FAM193A: variants seen among roughly 807,000 people sequenced by gnomAD.
The protein encoded by FAM193A is family with sequence similarity 193 member A, also known as protein FAM193A.
A neutral mutation model predicts 126.5 loss-of-function variants in FAM193A; 22 were observed. The observed-to-expected ratio is 0.17, with a 90% confidence interval of 0.12 to 0.25. The LOEUF is 0.25. FAM193A is among the 10% of genes least tolerant of loss of function. The pLI, the probability that FAM193A is intolerant of heterozygous loss-of-function variation, is 1.00. For missense variants in FAM193A, 1,675 were observed against 1,672.8 expected (o/e 1.00, Z -0.02); for synonymous variants, 761 against 646.8 (o/e 1.18, Z -2.68).
At chr4:2,588,139 T>C (rs988803407) in intron 1 of FAM193A, among the ~76,000 whole-genome samples, 3 of 152,196 alleles carry the variant, frequency 2.0e-5, no homozygotes, top group Non-Finnish European at 4.4e-5. Context: ...ACAGAGTCCA[T>C]GTCCCTGTTC....
At chr4:2,664,975 A>C (rs574433715) in intron 12 of FAM193A, among the ~76,000 whole-genome samples, 1 of 152,314 alleles carries the variant, frequency 6.6e-6, no homozygotes, top group East Asian at 1.9e-4. Context: ...GAGGGATTGC[A>C]TCGAATTCTT....
intron 2 of FAM193A, among the ~76,000 whole-genome samples, chr4:2,621,359 T>C (rs952946575): frequency 2.6e-5 from 4 of 152,106 alleles, no homozygotes; most frequent in Non-Finnish European, 5.9e-5. Flanking sequence ...CCTCAGTAGG[T>C]GATCTTTTTG....
intron 2 of FAM193A, among the ~76,000 whole-genome samples, chr4:2,611,822 T>C (rs1275278825): frequency 3.1e-4 from 47 of 151,634 alleles, no homozygotes; most frequent in Admixed American, 3.1e-3. Flanking sequence ...AAAAGATTTA[T>C]ATTTTGATCA....
At chr4:2,610,153 A>C (rs1470829024) in intron 2 of FAM193A, among the ~76,000 whole-genome samples, 1 of 151,938 alleles carries the variant, frequency 6.6e-6, no homozygotes, top group Non-Finnish European at 1.5e-5. Flanking sequence ...AATCGCTTGA[A>C]CCAGAGAGTT....
chr4:2,596,147 C>T lies in FAM193A; in HGVS notation c.319C>T (p.Leu107=), dbSNP rs1577054234. The change falls in exon 2 of 21, where the codon CTG becomes TTG. Residue 107 remains leucine, a synonymous_variant. Transcript: ENST00000637812. The part of the protein sequence containing the change: ...PPYPAGDYCL[L]CRSERKDSSF... ...CTACCCTGCTGGGGATTATTGTCTT[C>T]TGTGCAGAAGTGAACGGAAAGACTC... The T allele has an allele frequency of 2.8e-6, 2 of 702,878 alleles. No individual in the cohort carries two copies. The highest frequency in any genetic ancestry group is 2.6e-6 in the Non-Finnish European group (1 of 384,996). 43.5% of individuals were successfully genotyped at this position (702,878 alleles called of 1,614,324 possible).
At chr4:2,546,969 A>G (rs1737600856) in intron 1 of FAM193A, among the ~76,000 whole-genome samples, 2 of 152,132 alleles carry the variant, frequency 1.3e-5, no homozygotes, top group Middle Eastern at 3.2e-3. Context: ...TTTTTAGTAG[A>G]GATGGGGTTT....
chr4:2,649,962 C>A (rs968064045), intron 7 of FAM193A, among the ~76,000 whole-genome samples: 2 of 152,112 alleles, frequency 1.3e-5, no homozygotes, highest in East Asian at 3.9e-4. Context: ...AAGCATGAAC[C>A]CTATTGTGAA....
At chr4:2,641,610 G>C (rs758700050) in intron 6 of FAM193A, among the ~76,000 whole-genome samples, 8 of 151,884 alleles carry the variant, frequency 5.3e-5, no homozygotes, top group Non-Finnish European at 1.0e-4. Context: ...AGCTGAAATC[G>C]TGCCACTGCA....
intron 1 of FAM193A, among the ~76,000 whole-genome samples, chr4:2,549,976 C>T (rs961632215): frequency 2.0e-5 from 3 of 149,924 alleles, no homozygotes; most frequent in Non-Finnish European, 4.4e-5. Context: ...ATCTGCCCTC[C>T]TTGGCTTCCC....
intron 6 of FAM193A, among the ~76,000 whole-genome samples, chr4:2,644,242 C>G (rs1408211969): frequency 6.6e-6 from 1 of 152,174 alleles, no homozygotes; most frequent in Non-Finnish European, 1.5e-5. Context: ...TTTGCTCTCC[C>G]TTGGCTCAAA....
chr4:2,641,835 G>A (rs1429104731), intron 6 of FAM193A, among the ~76,000 whole-genome samples: 1 of 152,162 alleles, frequency 6.6e-6, no homozygotes, highest in Non-Finnish European at 1.5e-5. Context: ...TACACGTGCT[G>A]GCTCATGCCT....
intron 12 of FAM193A, among the ~76,000 whole-genome samples, chr4:2,666,186 GT>G (rs1207656213): frequency 6.6e-6 from 1 of 152,108 alleles, no homozygotes; most frequent in Admixed American, 6.5e-5. Context: ...AATTTCTTGA[GT>G]TTTTTCATGA....
At chr4:2,600,274 A>T (rs2108917031) in intron 2 of FAM193A, among the ~76,000 whole-genome samples, 1 of 152,014 alleles carries the variant, frequency 6.6e-6, no homozygotes, top group East Asian at 1.9e-4. Flanking sequence ...CGTCTCCCCG[A>T]CCTCACTCCT....
At chr4:2,555,686 C>T (rs1040880859) in intron 1 of FAM193A, among the ~76,000 whole-genome samples, 10 of 152,200 alleles carry the variant, frequency 6.6e-5, no homozygotes, top group Admixed American at 6.5e-5. Flanking sequence ...GGCGCAATCT[C>T]GGCTCGCCGC....
rs370511388 is a variant in FAM193A, at chr4:2,585,074, A to G, written c.256-11010A>G. Among the ~76,000 whole-genome samples the G allele has an allele frequency of 5.9e-5, 9 of 152,188 alleles. No individual in the cohort carries two copies. The East Asian group carries it at 7.7e-4, about 13-fold the overall frequency. ...ATATTTGAAAGATTTATTTGTTTTGAACTTAGCTATGGTTTATCCATTTTA... is the reference window on the plus strand; with the variant it reads ...ATATTTGAAAGATTTATTTGTTTTGGACTTAGCTATGGTTTATCCATTTTA... On this transcript the variant is annotated intron_variant, in intron 1 of 20. Transcript: ENST00000637812.
At chr4:2,689,739 A>C (rs1384072568) in intron 14 of FAM193A, 35 bp downstream of exon 14, 3 of 1,471,420 alleles carry the variant, frequency 2.0e-6, no homozygotes, top group Non-Finnish European at 2.8e-6. Context: ...TGAAGTTTTA[A>C]AATAACCTGA....
intron 4 of FAM193A, among the ~76,000 whole-genome samples, chr4:2,630,385 A>G (rs771250819): frequency 7.9e-5 from 12 of 152,134 alleles, no homozygotes; most frequent in Non-Finnish European, 1.3e-4. Context: ...GCCTAATACA[A>G]ACCCATTTGG....
intron 2 of FAM193A, among the ~76,000 whole-genome samples, chr4:2,607,059 A>G (rs1741589832): frequency 6.6e-6 from 1 of 152,228 alleles, no homozygotes; most frequent in Non-Finnish European, 1.5e-5. Context: ...GTGAAGGGCC[A>G]TTCATCTCAC....
In FAM193A at chr4:2,693,789, T is replaced by G; in HGVS notation, c.3007T>G (p.Phe1003Val). 6.2e-7 allele frequency: 1 copy of G among 1,614,164 alleles called. No homozygotes were observed. The highest frequency in any genetic ancestry group is 8.5e-7 in the Non-Finnish European group (1 of 1,180,026). Residue 1003 changes from phenylalanine (F) to valine (V), a missense_variant, in exon 16 of 21, where the codon TTT becomes GTT. Coordinates refer to ENST00000637812, the MANE Select transcript of FAM193A (RefSeq NM_001366318.2). ...FPKTATTTPGFVDTRKSFCPA... is the reference protein window; with the variant it reads ...FPKTATTTPGVVDTRKSFCPA... ...CAAAACAGCAACCACAACTCCTGGG[T>G]TTGTGGACACACGCAAGAGTTTCTG...
Sources: allele counts gnomAD v4.1 joint callset (sites outside exome capture counted in the v4.1 genomes callset), GRCh38; gene constraint gnomAD v4.1.1; transcripts MANE v1.5; gene names NCBI Gene and HGNC (gene_info 2026-07-23, HGNC 2026-07-21).